Variants in PRKCQ observed in about 807,000 individuals in gnomAD.
PRKCQ encodes the protein protein kinase C theta.
In PRKCQ, 41 loss-of-function variants were observed where a neutral mutation model predicts 91.2. That is an observed-to-expected ratio of 0.45 (90% CI 0.35 to 0.58). The LOEUF (loss-of-function observed/expected upper bound fraction) is 0.58. Among genes scored for constraint, PRKCQ ranks in the 20% least tolerant of loss-of-function variants. The pLI, the probability that PRKCQ is intolerant of heterozygous loss-of-function variation, is 0.00. For synonymous variants in PRKCQ, 307 were observed against 316.9 expected (o/e 0.97, Z 0.33); for missense variants, 673 against 896.5 (o/e 0.75, Z 3.18).
At chr10:6,520,988 C>T (rs919118882) in intron 1 of PRKCQ, among the ~76,000 whole-genome samples, 3 of 152,192 alleles carry the variant, frequency 2.0e-5, no homozygotes, top group Admixed American at 6.5e-5. Context: ...TGCCTTACTT[C>T]CCTCATCCCC....
chr10:6,550,649 G>C (rs1840147776), intron 1 of PRKCQ, among the ~76,000 whole-genome samples: 1 of 152,116 alleles, frequency 6.6e-6, no homozygotes, highest in East Asian at 1.9e-4. Flanking sequence ...CCACCTCTTG[G>C]CTATTGAGAA....
chr10:6,487,991 C>T (rs929295025), intron 8 of PRKCQ, among the ~76,000 whole-genome samples: 18 of 127,910 alleles, frequency 1.4e-4, no homozygotes, highest in African/African-American at 5.4e-4. Flanking sequence ...GGAGACAGAG[C>T]GAGACTGTGT....
chr10:6,398,196 T>A, the PRKCQ span, among the ~76,000 whole-genome samples: 1 of 152,214 alleles, frequency 6.6e-6, no homozygotes, highest in Non-Finnish European at 1.5e-5. Context: ...CATAAATGTA[T>A]AGGCTTATTT....
chr10:6,405,380 C>T, the PRKCQ span, among the ~76,000 whole-genome samples: 53 of 152,194 alleles, frequency 3.5e-4, no homozygotes, highest in Non-Finnish European at 5.4e-4. Context: ...GGCAGCTCTC[C>T]GTTTGCCGTC....
intron 4 of PRKCQ, among the ~76,000 whole-genome samples, chr10:6,505,536 CTTTCT>C (rs762365084): frequency 2.9e-5 from 4 of 139,656 alleles, no homozygotes; most frequent in Non-Finnish European, 4.7e-5. Context: ...CTTTCTTTTT[CTTTCT>C]TTTCTTCTTT....
chr10:6,475,774 G>C (rs34174747), intron 12 of PRKCQ, among the ~76,000 whole-genome samples: 87 of 152,314 alleles, frequency 5.7e-4, no homozygotes, highest in Non-Finnish European at 1.0e-3. Flanking sequence ...TATTTAATCA[G>C]TTACTTTGAC....
intron 1 of PRKCQ, among the ~76,000 whole-genome samples, chr10:6,561,054 T>G (rs924050444): frequency 8.3e-6 from 1 of 120,450 alleles, no homozygotes; most frequent in Non-Finnish European, 1.8e-5. Flanking sequence ...AAAAAAAAAA[T>G]TTATTCTTTT....
chr10:6,515,335 T>C, intron 1 of PRKCQ, 191 bp from the exon 2 acceptor site: 2 of 1,486,834 alleles, frequency 1.3e-6, no homozygotes, highest in Non-Finnish European at 1.8e-6. Flanking sequence ...AACCACACAC[T>C]GACTTGCTGA....
chr10:6,472,573 C>T (rs936883252), intron 12 of PRKCQ, among the ~76,000 whole-genome samples: 1 of 152,164 alleles, frequency 6.6e-6, no homozygotes, highest in African/African-American at 2.4e-5. Context: ...GAGAGAGATG[C>T]GACTGTGATC....
At chr10:6,487,413 T>C (rs994083661) in intron 8 of PRKCQ, among the ~76,000 whole-genome samples, 2 of 152,150 alleles carry the variant, frequency 1.3e-5, no homozygotes, top group Non-Finnish European at 2.9e-5. Context: ...GGGGTGCTGG[T>C]GGCAGCTTGC....
At chr10:6,487,008 C>T (rs1836964905) in intron 8 of PRKCQ, among the ~76,000 whole-genome samples, 1 of 152,144 alleles carries the variant, frequency 6.6e-6, no homozygotes, top group African/African-American at 2.4e-5. Context: ...AAATCACAAA[C>T]TCTACACACG....
intron 15 of PRKCQ, among the ~76,000 whole-genome samples, chr10:6,442,527 T>C (rs984908793): frequency 6.6e-6 from 1 of 152,150 alleles, no homozygotes; most frequent in Non-Finnish European, 1.5e-5. Context: ...TAATCAGGCA[T>C]CCAAAGAGGT....
At position 6,553,992 on chromosome 10, in the gene PRKCQ, C is replaced by T. The variant is rs996642107; in HGVS notation, c.-10+26219G>A. 6.0e-5 allele frequency among the ~76,000 whole-genome samples: 9 copies of T among 151,112 alleles called. No individual in the cohort carries two copies. In the South Asian group the frequency reaches 1.5e-3, roughly 25 times the overall value. ...GAAACAGTAAAAAAAAACAGAGTGT[C>T]GCAGACATCAAGTCTCGGAGCACTC... On this transcript the variant is annotated intron_variant, in intron 1 of 17. Coordinates refer to ENST00000263125, the MANE Select transcript of PRKCQ (RefSeq NM_006257.5).
At chr10:6,489,585 G>A in intron 8 of PRKCQ, 1 of 434,858 alleles carries the variant, frequency 2.3e-6, no homozygotes, top group East Asian at 6.9e-5. Flanking sequence ...GGAGAAGAGG[G>A]CGAGAAGAGT....
chr10:6,442,543 G>A (rs1834028046), intron 15 of PRKCQ, among the ~76,000 whole-genome samples: 1 of 152,178 alleles, frequency 6.6e-6, no homozygotes, highest in Non-Finnish European at 1.5e-5. Context: ...GAGGTCATCT[G>A]GACAGTTCCC....
At chr10:6,450,093 T>C (rs1377331264) in intron 15 of PRKCQ, among the ~76,000 whole-genome samples, 2 of 148,328 alleles carry the variant, frequency 1.3e-5, no homozygotes, top group Non-Finnish European at 3.0e-5. Flanking sequence ...ATATTAACTT[T>C]AAATGTAAAT....
chr10:6,431,065 G>A lies in PRKCQ; in HGVS notation c.1837-127C>T, dbSNP rs565167633. On this transcript the variant is annotated intron_variant, in intron 16 of 17. Transcript: ENST00000263125. ...CTCATTTTTCTACTCACCTTCATCA[G>A]GACTGACTAAAGTCAACCTGTCCTG... 62 of 1,257,860 alleles carry A rather than the reference G, an allele frequency of 4.9e-5. No homozygotes were observed. The East Asian group carries it at 1.5e-3, about 30-fold the overall frequency. The allele number at this position is 1,257,860 out of a possible 1,614,324, so 77.9% of individuals were successfully genotyped here.
the PRKCQ span, among the ~76,000 whole-genome samples, chr10:6,398,748 C>CT: frequency 1.5e-5 from 2 of 129,160 alleles, no homozygotes; most frequent in Non-Finnish European, 3.5e-5. Context: ...TTTTCTTTTT[C>CT]TTTTTTTTTC....
At chr10:6,404,501 TTC>T in the PRKCQ span, among the ~76,000 whole-genome samples, 398 of 150,272 alleles carry the variant, frequency 2.6e-3, 6 homozygotes, top group East Asian at 0.059. Context: ...TTTCCTTTCT[TTC>T]TCTGTCTCTC....
Sources: allele counts gnomAD v4.1 joint callset (sites outside exome capture counted in the v4.1 genomes callset), GRCh38; gene constraint gnomAD v4.1.1; transcripts MANE v1.5; gene names NCBI Gene and HGNC (gene_info 2026-07-23, HGNC 2026-07-21).